The following MLLT10 variants were observed in gnomAD, a reference collection of about 807,000 sequenced individuals.
The protein encoded by MLLT10 is MLLT10 histone lysine methyltransferase DOT1L cofactor.
In MLLT10, 30 loss-of-function variants were observed where a neutral mutation model predicts 129.1. The ratio of observed to expected loss-of-function variants is 0.23; its 90% CI spans 0.17 to 0.32. The LOEUF (loss-of-function observed/expected upper bound fraction) is 0.32. Among genes scored for constraint, MLLT10 ranks in the 10% least tolerant of loss-of-function variants. The pLI is 1.00. For missense variants in MLLT10, 1,119 were observed against 1,268.3 expected (o/e 0.88, Z 1.79); for synonymous variants, 490 against 446.4 (o/e 1.10, Z -1.23).
intron 5 of MLLT10, among the ~76,000 whole-genome samples, chr10:21,607,152 T>C (rs1444910958): frequency 6.6e-6 from 1 of 152,126 alleles, no homozygotes; most frequent in Non-Finnish European, 1.5e-5. Flanking sequence ...CCATCAACAC[T>C]GAGGCAGGAC....
chr10:21,677,335 A>G (rs889654569), intron 11 of MLLT10, among the ~76,000 whole-genome samples: 3 of 152,238 alleles, frequency 2.0e-5, no homozygotes, highest in Admixed American at 6.5e-5. Flanking sequence ...GACAACAAGA[A>G]GCTTCCCCCC....
At chr10:21,644,046 G>A (rs2048257740) in intron 8 of MLLT10, among the ~76,000 whole-genome samples, 1 of 152,044 alleles carries the variant, frequency 6.6e-6, no homozygotes, top group Non-Finnish European at 1.5e-5. Context: ...TACTAATTCT[G>A]TAATGATACC....
At position 21,741,920 on chromosome 10, in the gene MLLT10, C is replaced by T. The variant is rs1232648245; in HGVS notation, c.3163-19C>T. On this transcript the variant is annotated intron_variant, in intron 22 of 22. Transcript: ENST00000307729. The stretch of plus-strand genomic sequence containing the variant: ...AAAGTTGATTTAGCTAACGCATCTG[C>T]TCTTTTGTTTACCTGCAGAGACTTA... The T allele has an allele frequency of 3.7e-6, 6 of 1,608,332 alleles. No homozygotes were observed. Among genetic ancestry groups the T allele is most frequent in the African/African-American group, 1.3e-5 (1 of 74,764 alleles).
chr10:21,578,086 A>C (rs2040984461), intron 3 of MLLT10, among the ~76,000 whole-genome samples: 1 of 150,640 alleles, frequency 6.6e-6, no homozygotes, highest in African/African-American at 2.4e-5. Flanking sequence ...GAAGAGTTGG[A>C]GTTTCACCAT....
intron 14 of MLLT10, among the ~76,000 whole-genome samples, chr10:21,720,006 T>A (rs577256392): frequency 6.6e-6 from 1 of 152,322 alleles, no homozygotes; most frequent in South Asian, 2.1e-4. Context: ...ATAGCTGCCT[T>A]TGTCCTACAG....
chr10:21,548,128 C>T (rs1451570283), intron 3 of MLLT10, among the ~76,000 whole-genome samples: 2 of 152,048 alleles, frequency 1.3e-5, no homozygotes, highest in African/African-American at 4.8e-5. Flanking sequence ...AGATTTTATT[C>T]TAGTTTGTCT....
chr10:21,576,724 G>A (rs2040807420), intron 3 of MLLT10, among the ~76,000 whole-genome samples: 1 of 149,584 alleles, frequency 6.7e-6, no homozygotes, highest in Non-Finnish European at 1.5e-5. Flanking sequence ...TCCGCTTCCC[G>A]GGTTCAAGCG....
intron 9 of MLLT10, among the ~76,000 whole-genome samples, chr10:21,655,583 A>G (rs2086136900): frequency 2.0e-5 from 3 of 152,232 alleles, no homozygotes; most frequent in Admixed American, 1.3e-4. Flanking sequence ...GAGCTATACA[A>G]AAACAGGTGG....
At chr10:21,593,926 T>TA (rs61561146) in intron 4 of MLLT10, among the ~76,000 whole-genome samples, 6,379 of 45,318 alleles carry the variant, frequency 0.14, 807 homozygotes, top group Non-Finnish European at 0.19. Flanking sequence ...GCTTTGTCTT[T>TA]AAAAAAAAAA....
chr10:21,556,783 C>G lies in MLLT10; in HGVS notation c.240+17871C>G, dbSNP rs747186217. The stretch of plus-strand genomic sequence containing the variant: ...CAGTTTCTGGTGCTCTGATGCATTG[C>G]TTTTGGGCTTGTCTTACTACAGCAG... On this transcript the variant is annotated intron_variant, in intron 3 of 22. Coordinates refer to ENST00000307729, the MANE Select transcript of MLLT10 (RefSeq NM_001195626.3). The G allele has an allele frequency of 9.4e-6, 15 of 1,592,980 alleles. No individual in the cohort carries two copies. The African/African-American group carries it at 1.7e-4, about 19-fold the overall frequency.
intron 13 of MLLT10, among the ~76,000 whole-genome samples, chr10:21,712,092 C>G (rs1460104028): frequency 6.6e-6 from 1 of 152,088 alleles, no homozygotes; most frequent in Non-Finnish European, 1.5e-5. Context: ...TAAAAAAGAT[C>G]CCGACGCCTT....
intron 8 of MLLT10, among the ~76,000 whole-genome samples, chr10:21,644,491 C>T (rs1406708649): frequency 4.6e-5 from 7 of 152,036 alleles, no homozygotes; most frequent in African/African-American, 1.7e-4. Context: ...TGGCTTAGGG[C>T]AGTATGCACT....
At chr10:21,707,718 A>G (rs2055669440) in intron 13 of MLLT10, among the ~76,000 whole-genome samples, 1 of 152,178 alleles carries the variant, frequency 6.6e-6, no homozygotes, top group African/African-American at 2.4e-5. Flanking sequence ...GTGTCTTCCT[A>G]CTGATCTTAG....
At chr10:21,624,435 C>T (rs1051145026) in intron 8 of MLLT10, among the ~76,000 whole-genome samples, 3 of 136,522 alleles carry the variant, frequency 2.2e-5, no homozygotes, top group African/African-American at 8.1e-5. Flanking sequence ...AATAAAAAGG[C>T]CTGAGTATAT....
At chr10:21,587,327 G>C (rs2042080868) in intron 4 of MLLT10, among the ~76,000 whole-genome samples, 1 of 151,284 alleles carries the variant, frequency 6.6e-6, no homozygotes, top group African/African-American at 2.4e-5. Context: ...AGCTGAGCAG[G>C]AGGATGGCTT....
chr10:21,586,061 C>T (rs536298070), intron 3 of MLLT10, among the ~76,000 whole-genome samples: 2 of 152,218 alleles, frequency 1.3e-5, no homozygotes, highest in East Asian at 3.9e-4. Flanking sequence ...CGCGCCTGGC[C>T]CATGGCAGGA....
chr10:21,685,442 C>A (rs975799502), intron 13 of MLLT10, among the ~76,000 whole-genome samples: 3 of 152,154 alleles, frequency 2.0e-5, no homozygotes, highest in African/African-American at 7.2e-5. Flanking sequence ...TCAAGCGATT[C>A]TCCTGCCTCA....
At chr10:21,592,743 C>T (rs1346224482) in intron 4 of MLLT10, among the ~76,000 whole-genome samples, 6 of 152,098 alleles carry the variant, frequency 3.9e-5, no homozygotes, top group Non-Finnish European at 5.9e-5. Flanking sequence ...GGATTACAGG[C>T]GTGAGCCACC....
intron 3 of MLLT10, chr10:21,572,076 T>G (rs546293665): frequency 6.6e-6 from 1 of 152,326 alleles, no homozygotes; most frequent in South Asian, 2.1e-4. Context: ...TAATTTATAT[T>G]TAGGTCTGTG....
Sources: gnomAD v4.1 joint callset for allele counts (sites outside exome capture counted in the v4.1 genomes callset) on GRCh38, gnomAD v4.1.1 for gene constraint, MANE v1.5 for transcripts, NCBI Gene and HGNC (gene_info 2026-07-23, HGNC 2026-07-21) for gene names.